The following PRRC2C variants were observed in gnomAD, a reference collection of about 807,000 sequenced individuals.
The protein encoded by PRRC2C is proline rich coiled-coil 2C.
A neutral mutation model predicts 317.2 loss-of-function variants in PRRC2C; 72 were observed. The ratio of observed to expected loss-of-function variants is 0.23; its 90% CI spans 0.19 to 0.28. The LOEUF is 0.28. Ranked by LOEUF, PRRC2C falls within the 10% of genes least tolerant of loss-of-function variation. The probability of loss-of-function intolerance (pLI) is 1.00; values close to 1 mark genes in which losing one functional copy is unlikely to be tolerated. For missense variants in PRRC2C, 3,074 were observed against 3,459.7 expected (o/e 0.89, Z 2.80); for synonymous variants, 1,296 against 1,205.9 (o/e 1.07, Z -1.55).
intron 16 of PRRC2C, among the ~76,000 whole-genome samples, chr1:171,542,912 C>G (rs1023669528): frequency 1.3e-5 from 2 of 151,856 alleles, no homozygotes; most frequent in African/African-American, 2.4e-5. Context: ...AGGTGCCCAC[C>G]ACCATGCCTG....
At chr1:171,569,998 T>C (rs1029718647) in intron 23 of PRRC2C, among the ~76,000 whole-genome samples, 8 of 152,136 alleles carry the variant, frequency 5.3e-5, no homozygotes, top group South Asian at 2.1e-4. Flanking sequence ...TGGTAACTAC[T>C]GGAGACAACA....
At chr1:171,511,303 G>T (rs749930339) in intron 1 of PRRC2C, 20 of 152,148 alleles carry the variant, frequency 1.3e-4, no homozygotes, top group Admixed American at 6.5e-4. Flanking sequence ...TCTATTAATA[G>T]ACTAAGTTAG....
chr1:171,537,129 A>G, intron 14 of PRRC2C, 134 bp from the exon 15 acceptor site: 1 of 659,126 alleles, frequency 1.5e-6, no homozygotes, highest in South Asian at 2.1e-5. Flanking sequence ...CCAATCTTTT[A>G]CTCAGGAAAA....
chr1:171,540,634 A>G lies in PRRC2C; in HGVS notation c.3168A>G (p.Glu1056=). 1.2e-6 allele frequency: 2 copies of G among 1,613,950 alleles called. No homozygotes were observed. The highest frequency in any genetic ancestry group is 1.7e-6 in the Non-Finnish European group (2 of 1,179,882). The change falls in exon 16 of 35, where the codon GAA becomes GAG. Residue 1056 remains glutamate, a synonymous_variant. Coordinates refer to ENST00000647382, the MANE Select transcript of PRRC2C (RefSeq NM_001387844.1). ...TAGTTGTAAAGCCTGAAAAGACGGAAAAGAAGGATCTTCCTCCTCCCCCAC... is the reference window on the plus strand; with the variant it reads ...TAGTTGTAAAGCCTGAAAAGACGGAGAAGAAGGATCTTCCTCCTCCCCCAC... ...EKVVVKPEKT[E]KKDLPPPPPP...
rs139812810 is a variant in PRRC2C at position 171,577,630 on chromosome 1, T to G, written c.7152T>G (p.Ser2384=). Reference sequence around the variant, plus strand: ...ATCCGCAAGTTTATGTGTCTCAGTCTGCAGCAGGTAATGTTTTTAGGCTTG... The same window carrying G: ...ATCCGCAAGTTTATGTGTCTCAGTCGGCAGCAGGTAATGTTTTTAGGCTTG... ...QQNPQVYVSQ[S]AAAQIPAFYM... The change falls in exon 26 of 35, where the codon TCT becomes TCG. Residue 2384 remains serine (S), a synonymous_variant. Transcript: ENST00000647382. 439 of 1,611,758 alleles carry G rather than the reference T, an allele frequency of 2.7e-4. 3 individuals are homozygous for G. In the East Asian group the frequency reaches 9.7e-3, roughly 35 times the overall value.
intron 1 of PRRC2C, among the ~76,000 whole-genome samples, chr1:171,497,567 G>A (rs1401736794): frequency 1.3e-5 from 2 of 151,848 alleles, no homozygotes; most frequent in Non-Finnish European, 2.9e-5. Flanking sequence ...AACCTCCTAG[G>A]CTCAAGCGAT....
intron 14 of PRRC2C, among the ~76,000 whole-genome samples, chr1:171,536,938 G>A (rs1362947403): frequency 6.6e-6 from 1 of 152,110 alleles, no homozygotes; most frequent in African/African-American, 2.4e-5. Context: ...TGTTTGTATT[G>A]ACATCCAGAG....
chr1:171,549,300 A>G (rs1679738416), intron 17 of PRRC2C, among the ~76,000 whole-genome samples: 2 of 152,180 alleles, frequency 1.3e-5, no homozygotes. Context: ...GCCTCCCATT[A>G]TGCTGATACT....
rs763068608 is a variant in PRRC2C, at chr1:171,524,901, C to T, written c.1136C>T (p.Ser379Phe). ...TDEVSNTKSS[S>F]QIPAQPSVAK... is the part of the protein sequence containing the mutation. ...GAAGTTTCCAACACTAAATCATCTTCCCAAATACCTGCCCAACCATCAGTA... is the reference window on the plus strand; with the variant it reads ...GAAGTTTCCAACACTAAATCATCTTTCCAAATACCTGCCCAACCATCAGTA... Residue 379 changes from serine to phenylalanine, a missense_variant, in exon 10 of 35, where the codon TCC becomes TTC. By Grantham distance (155) the Ser-to-Phe change is radical (BLOSUM62 -2). This residue lies in a region of PRRC2C where 1,320 missense variants were observed against 1,395.7 expected (regional missense o/e 0.95). Coordinates refer to ENST00000647382, the MANE Select transcript of PRRC2C (RefSeq NM_001387844.1). 1 of 1,611,326 alleles carries T rather than the reference C, an allele frequency of 6.2e-7. No homozygotes were observed. Among genetic ancestry groups the T allele is most frequent in the Non-Finnish European group, 8.5e-7 (1 of 1,178,466 alleles).
In PRRC2C at chr1:171,540,461, C is replaced by T. The variant is rs1396960541; in HGVS notation, c.2995C>T (p.Pro999Ser). 3 of 1,613,108 alleles carry T rather than the reference C, an allele frequency of 1.9e-6. No homozygotes were observed. In the South Asian group the frequency reaches 3.3e-5, roughly 18 times the overall value. The change falls in exon 16 of 35, where the codon CCA (proline) becomes TCA (serine). Residue 999 changes from proline (P) to serine (S), a missense_variant. This residue lies in a region of PRRC2C where 1,320 missense variants were observed against 1,395.7 expected (regional missense o/e 0.95). Transcript: ENST00000647382. Reference protein sequence around the residue: ...SKSETRWGPRPSSNRREEVND... With the variant: ...SKSETRWGPRSSSNRREEVND... ...ATCAGAAACTCGTTGGGGCCCACGA[C>T]CAAGCTCTAACAGAAGGGAAGAAGT...
rs1248951759 is a variant in PRRC2C at position 171,557,347 on chromosome 1, A to T, written c.5235A>T (p.Ser1745=). The T allele has an allele frequency of 6.4e-7, 1 of 1,551,978 alleles. No homozygotes were observed. Among genetic ancestry groups the T allele is most frequent in the South Asian group, 1.2e-5 (1 of 84,066 alleles). Residue 1745 remains serine (S), a synonymous_variant, in exon 19 of 35, where the codon TCA becomes TCT. Coordinates refer to ENST00000647382, the MANE Select transcript of PRRC2C (RefSeq NM_001387844.1). ...QATGIQQAQS[S]ASVPPLASAP... Reference sequence around the variant, plus strand: ...CAGGGATCCAGCAAGCACAGTCTTCAGCCTCAGTTCCACCTCTAGCTTCGG... The same window carrying T: ...CAGGGATCCAGCAAGCACAGTCTTCTGCCTCAGTTCCACCTCTAGCTTCGG...
At chr1:171,508,540 T>C (rs1273399656) in intron 1 of PRRC2C, among the ~76,000 whole-genome samples, 2 of 152,202 alleles carry the variant, frequency 1.3e-5, no homozygotes, top group African/African-American at 4.8e-5. Flanking sequence ...TGATTTTAAG[T>C]AGGGAAGTTA....
At position 171,579,474 on chromosome 1, in the gene PRRC2C, C is replaced by G. The variant is rs1422424609; in HGVS notation, c.7272+8C>G. 2.5e-6 allele frequency: 4 copies of G among 1,612,674 alleles called. No individual in the cohort carries two copies. The highest frequency in any genetic ancestry group is 3.4e-6 in the Non-Finnish European group (4 of 1,179,754). ...CAACCAGGTCTCTCTCAGGTAATAT[C>G]AAAGACTTCTTCCATCCTGTATTTG... On this transcript the variant is annotated splice_region_variant and intron_variant, in intron 27 of 34. Coordinates refer to ENST00000647382, the MANE Select transcript of PRRC2C (RefSeq NM_001387844.1).
At chr1:171,547,633 C>CTTTTT (rs35480518) in intron 17 of PRRC2C, among the ~76,000 whole-genome samples, 31 of 129,824 alleles carry the variant, frequency 2.4e-4, no homozygotes, top group African/African-American at 3.4e-4. Flanking sequence ...AGTTTCCCTT[C>CTTTTT]TTTTTTTTTT....
chr1:171,494,236 T>C (rs1422548008), intron 1 of PRRC2C, among the ~76,000 whole-genome samples: 1 of 152,246 alleles, frequency 6.6e-6, no homozygotes, highest in Non-Finnish European at 1.5e-5. Flanking sequence ...ATTTCTGTTC[T>C]GATTGTTAAG....
At chr1:171,576,347 T>C (rs1412851584) in intron 25 of PRRC2C, among the ~76,000 whole-genome samples, 2 of 152,132 alleles carry the variant, frequency 1.3e-5, no homozygotes, top group Non-Finnish European at 2.9e-5. Context: ...ACTAGGATAA[T>C]TTTTTTAACA....
Position 171,527,959 on chromosome 1 carries a change from C to T in PRRC2C, c.1254+115C>T, listed in dbSNP as rs564706925. The T allele has an allele frequency of 3.3e-5, 25 of 759,372 alleles. No individual in the cohort carries two copies. In the Admixed American group the frequency reaches 3.5e-4, roughly 11 times the overall value. The allele number at this position is 759,372 out of a possible 1,614,324, so 47.0% of individuals were successfully genotyped here. Reference sequence around the variant, plus strand: ...TATGAAACAGTTACTAACTTTTTACCTTGTGACTCTTACATGTCTTACTCT... The same window carrying T: ...TATGAAACAGTTACTAACTTTTTACTTTGTGACTCTTACATGTCTTACTCT... On this transcript the variant is annotated intron_variant, in intron 11 of 34. Coordinates refer to ENST00000647382, the MANE Select transcript of PRRC2C (RefSeq NM_001387844.1).
intron 3 of PRRC2C, among the ~76,000 whole-genome samples, chr1:171,513,764 C>T (rs953026090): frequency 6.6e-6 from 1 of 152,124 alleles, no homozygotes; most frequent in Non-Finnish European, 1.5e-5. Flanking sequence ...CCATTGGATA[C>T]TTGATGTTTT....
intron 23 of PRRC2C, 60 bp from the exon 24 acceptor site, chr1:171,571,260 A>T: frequency 1.0e-6 from 1 of 988,580 alleles, no homozygotes; most frequent in Non-Finnish European, 1.6e-6. Flanking sequence ...CATTGTCTTT[A>T]ATGGGGCTTT....
Sources: gnomAD v4.1 joint callset for allele counts (sites outside exome capture counted in the v4.1 genomes callset) on GRCh38, gnomAD v4.1.1 for gene constraint, gnomAD v4.1.1 regional missense constraint, MANE v1.5 for transcripts, NCBI Gene and HGNC (gene_info 2026-07-23, HGNC 2026-07-21) for gene names.